The following CDH13 variants were observed in gnomAD, a reference collection of about 807,000 sequenced individuals.
CDH13 encodes cadherin-13.
Under a neutral mutation model 63.8 loss-of-function variants are expected in CDH13, and 24 were observed. That is an observed-to-expected ratio of 0.38 (90% confidence interval 0.27 to 0.53). The LOEUF is 0.53. Ranked by LOEUF, CDH13 falls within the 20% of genes least tolerant of loss-of-function variation. The probability of loss-of-function intolerance (pLI) is 0.85; values close to 1 mark genes in which losing one functional copy is unlikely to be tolerated. For missense variants in CDH13, 1,049 were observed against 903.1 expected (o/e 1.16, Z -2.07); for synonymous variants, 503 against 355.3 (o/e 1.42, Z -4.67).
intron 8 of CDH13, among the ~76,000 whole-genome samples, chr16:83,665,424 G>A (rs1006409328): frequency 6.6e-6 from 1 of 152,120 alleles, no homozygotes; most frequent in Non-Finnish European, 1.5e-5. Context: ...ATTTATATCA[G>A]TCACAGTTGC....
intron 1 of CDH13, among the ~76,000 whole-genome samples, chr16:82,658,541 T>A (rs74496709): frequency 0.038 from 5,857 of 152,296 alleles, 344 homozygotes; most frequent in East Asian, 0.25. Context: ...GGGTATAAAT[T>A]GCACCTCCGT....
intron 2 of CDH13, among the ~76,000 whole-genome samples, chr16:83,016,882 A>G (rs1407985928): frequency 2.0e-5 from 3 of 152,174 alleles, no homozygotes; most frequent in Non-Finnish European, 4.4e-5. Flanking sequence ...ATGAAAACCA[A>G]AATTGACATT....
chr16:83,083,271 A>G (rs56889653), intron 3 of CDH13, among the ~76,000 whole-genome samples: 2,448 of 152,054 alleles, frequency 0.016, 50 homozygotes, highest in African/African-American at 0.056. Flanking sequence ...ATGTGTAGTC[A>G]CTGTGTGTCC....
intron 4 of CDH13, among the ~76,000 whole-genome samples, chr16:83,173,478 G>T (rs972148380): frequency 6.6e-6 from 1 of 151,992 alleles, no homozygotes; most frequent in South Asian, 2.1e-4. Flanking sequence ...GATCTCTTGG[G>T]ACTGGTGTTT....
intron 13 of CDH13, among the ~76,000 whole-genome samples, chr16:83,790,364 G>T (rs1916176680): frequency 6.6e-6 from 1 of 152,108 alleles, no homozygotes; most frequent in African/African-American, 2.4e-5. Flanking sequence ...AATAAAAAAT[G>T]AAAATGAAAT....
intron 2 of CDH13, among the ~76,000 whole-genome samples, chr16:82,956,515 G>A (rs916820679): frequency 6.6e-6 from 1 of 152,080 alleles, no homozygotes; most frequent in Admixed American, 6.5e-5. Flanking sequence ...GCAGCTGAAG[G>A]ATTATTTTCA....
At chr16:83,247,683 T>A (rs1905105322) in intron 5 of CDH13, among the ~76,000 whole-genome samples, 1 of 152,220 alleles carries the variant, frequency 6.6e-6, no homozygotes, top group East Asian at 1.9e-4. Context: ...TTCACTGTTT[T>A]AATGTTAATC....
At chr16:83,762,271 G>T (rs1456498612) in intron 11 of CDH13, among the ~76,000 whole-genome samples, 1 of 152,032 alleles carries the variant, frequency 6.6e-6, no homozygotes, top group Non-Finnish European at 1.5e-5. Flanking sequence ...ATCGTCATTT[G>T]CCTTATATGG....
chr16:83,726,882 T>A (rs1035283083), intron 10 of CDH13, among the ~76,000 whole-genome samples: 1 of 151,782 alleles, frequency 6.6e-6, no homozygotes, highest in Non-Finnish European at 1.5e-5. Context: ...GTTCTGTCAG[T>A]CAAGAGTATT....
chr16:82,775,526 A>C (rs528886791), intron 1 of CDH13, among the ~76,000 whole-genome samples: 1 of 152,188 alleles, frequency 6.6e-6, no homozygotes, highest in South Asian at 2.1e-4. Flanking sequence ...AGCGTTTAAA[A>C]CCTGTTGGCT....
chr16:83,207,182 C>A (rs115413503), intron 4 of CDH13, among the ~76,000 whole-genome samples: 3,505 of 152,264 alleles, frequency 0.023, 143 homozygotes, highest in African/African-American at 0.079. Context: ...CATCCCCATC[C>A]ATCTCCAGAA....
intron 5 of CDH13, among the ~76,000 whole-genome samples, chr16:83,344,316 A>G (rs1208744549): frequency 4.6e-5 from 7 of 152,206 alleles, no homozygotes; most frequent in Non-Finnish European, 8.8e-5. Context: ...ATCCTCCGAA[A>G]TTGTAAACAG....
chr16:83,338,798 T>A (rs1448824386), intron 5 of CDH13, among the ~76,000 whole-genome samples: 1 of 152,000 alleles, frequency 6.6e-6, no homozygotes, highest in East Asian at 1.9e-4. Context: ...AAAAGATGAG[T>A]GTAACTGGAT....
intron 1 of CDH13, among the ~76,000 whole-genome samples, chr16:82,780,231 A>G (rs180756343): frequency 0.044 from 6,663 of 152,270 alleles, 206 homozygotes; most frequent in Non-Finnish European, 0.069. Flanking sequence ...GGTTACAACA[A>G]CATTGGTTTA....
At chr16:83,269,307 C>T (rs886605636) in intron 5 of CDH13, among the ~76,000 whole-genome samples, 9 of 152,180 alleles carry the variant, frequency 5.9e-5, no homozygotes, top group Non-Finnish European at 1.3e-4. Flanking sequence ...GATCCTATCA[C>T]CACAGCTTTG....
At chr16:83,527,130 CA>C (rs35647015) in intron 7 of CDH13, among the ~76,000 whole-genome samples, 71,781 of 148,018 alleles carry the variant, frequency 0.48, 18,622 homozygotes, top group Non-Finnish European at 0.59. Flanking sequence ...GACTCTGTCT[CA>C]AAAAAAAAAA....
At chr16:82,963,370 A>T (rs557764693) in intron 2 of CDH13, among the ~76,000 whole-genome samples, 2 of 152,174 alleles carry the variant, frequency 1.3e-5, no homozygotes, top group Admixed American at 1.3e-4. Context: ...CAAGAGTGAA[A>T]CTCTGTCTCA....
chr16:83,178,911 T>C (rs35925052), intron 4 of CDH13, among the ~76,000 whole-genome samples: 15,978 of 152,250 alleles, frequency 0.1, 1,083 homozygotes, highest in African/African-American at 0.18. Context: ...TTCTGGAAGT[T>C]ACATAGAGAC....
intron 2 of CDH13, among the ~76,000 whole-genome samples, chr16:82,919,128 G>A (rs1367904227): frequency 1.3e-5 from 2 of 151,622 alleles, no homozygotes; most frequent in African/African-American, 2.4e-5. Flanking sequence ...TTTTTTGTTG[G>A]CCTATATATT....
Sources: allele counts gnomAD v4.1 joint callset (sites outside exome capture counted in the v4.1 genomes callset), GRCh38; gene constraint gnomAD v4.1.1; transcripts MANE v1.5; gene names NCBI Gene and HGNC (gene_info 2026-07-23, HGNC 2026-07-21).